Variants in SH2D4A observed in about 807,000 individuals in gnomAD.
The protein encoded by SH2D4A is SH2 domain-containing protein 4A.
Under a neutral mutation model 64.7 loss-of-function variants are expected in SH2D4A, and 70 were observed. That is an observed-to-expected ratio of 1.08 (90% CI 0.89 to 1.32). The LOEUF (loss-of-function observed/expected upper bound fraction) is 1.32. Among genes scored for constraint, SH2D4A ranks in the 40% most tolerant of loss-of-function variants. The pLI, the probability that SH2D4A is intolerant of heterozygous loss-of-function variation, is 0.00. For synonymous variants in SH2D4A, 268 were observed against 200.7 expected, an observed-to-expected ratio of 1.34 and a Z score of -2.83; for missense variants, 706 against 540.1, an observed-to-expected ratio of 1.31 and a Z score of -3.04.
intron 2 of SH2D4A, among the ~76,000 whole-genome samples, chr8:19,320,554 A>G (rs143793041): frequency 2.1e-4 from 31 of 146,762 alleles, no homozygotes; most frequent in East Asian, 1.9e-3. Context: ...AGCTCAGGAG[A>G]TCGAGGCCAC....
At chr8:19,322,150 A>G (rs539804182) in intron 2 of SH2D4A, among the ~76,000 whole-genome samples, 31 of 152,284 alleles carry the variant, frequency 2.0e-4, no homozygotes, top group African/African-American at 6.7e-4. Context: ...CTTCCCCTAA[A>G]ATCCCATCAC....
At chr8:19,344,799 A>G (rs2052586482) in intron 4 of SH2D4A, among the ~76,000 whole-genome samples, 1 of 152,178 alleles carries the variant, frequency 6.6e-6, no homozygotes, top group South Asian at 2.1e-4. Flanking sequence ...ATTTTTATAA[A>G]AGAAATACTG....
chr8:19,349,158 C>T (rs948347548), intron 4 of SH2D4A, among the ~76,000 whole-genome samples: 1 of 152,138 alleles, frequency 6.6e-6, no homozygotes, highest in African/African-American at 2.4e-5. Context: ...AGAAATAAAG[C>T]ATTGGACATA....
At chr8:19,393,794 A>T (rs1042845748) in intron 9 of SH2D4A, among the ~76,000 whole-genome samples, 4 of 152,178 alleles carry the variant, frequency 2.6e-5, no homozygotes, top group African/African-American at 9.7e-5. Flanking sequence ...TAAAACAAAA[A>T]AATAAAAGCT....
In SH2D4A at chr8:19,371,910, T is replaced by C. The variant is rs186971732; in HGVS notation, c.918-1620T>C. On this transcript the variant is annotated intron_variant, in intron 7 of 9. Transcript: ENST00000265807. Reference sequence around the variant, plus strand: ...AAATTACTTCAGTCTTTCTGCTACATTTCCCTGATAAATTTTTGAATTGAC... The same window carrying C: ...AAATTACTTCAGTCTTTCTGCTACACTTCCCTGATAAATTTTTGAATTGAC... Among the ~76,000 whole-genome samples the C allele has an allele frequency of 5.9e-4, 90 of 152,320 alleles. 1 individual carries two copies. In the East Asian group the frequency reaches 0.017, roughly 29 times the overall value.
At chr8:19,322,301 C>T (rs1040301793) in intron 2 of SH2D4A, among the ~76,000 whole-genome samples, 10 of 152,262 alleles carry the variant, frequency 6.6e-5, no homozygotes, top group Non-Finnish European at 1.2e-4. Context: ...ACAGGTCACT[C>T]GTGCATCTGA....
rs540927869 is a variant in SH2D4A, at chr8:19,357,286, A to T, written c.594+3A>T. The T allele has an allele frequency of 1.9e-6, 3 of 1,608,474 alleles. No individual in the cohort carries two copies. In the South Asian group the frequency reaches 3.3e-5, roughly 18 times the overall value. On this transcript the variant is annotated splice_donor_region_variant and intron_variant, in intron 5 of 9. Coordinates refer to ENST00000265807, the MANE Select transcript of SH2D4A (RefSeq NM_022071.4). ...TGAAGGCATATGCATTTCACCAGGT[A>T]AAAGACTTCCCTTCTGTCCTCCGGG...
At chr8:19,391,439 T>C (rs1350921088) in intron 8 of SH2D4A, among the ~76,000 whole-genome samples, 1 of 152,094 alleles carries the variant, frequency 6.6e-6, no homozygotes, top group Non-Finnish European at 1.5e-5. Flanking sequence ...ACATGATACA[T>C]GCAATGCATG....
chr8:19,348,137 C>T lies in SH2D4A; in HGVS notation c.514-9066C>T, dbSNP rs541758926. 1.4e-4 allele frequency among the ~76,000 whole-genome samples: 21 copies of T among 152,216 alleles called. No individual in the cohort carries two copies. In the East Asian group the frequency reaches 3.9e-3, roughly 28 times the overall value. On this transcript the variant is annotated intron_variant, in intron 4 of 9. Coordinates refer to ENST00000265807, the MANE Select transcript of SH2D4A (RefSeq NM_022071.4). The stretch of plus-strand genomic sequence containing the variant: ...TAGAAACAGGATCTTGCTGTGTCAC[C>T]CAGGCTGGAGTGCCACGGTGCAATA...
intron 8 of SH2D4A, among the ~76,000 whole-genome samples, chr8:19,376,790 A>G (rs937148018): frequency 4.6e-5 from 7 of 152,178 alleles, no homozygotes; most frequent in African/African-American, 4.8e-5. Context: ...TCTGCTTGCT[A>G]TAGACAACAT....
chr8:19,358,167 C>T (rs1385099930), intron 5 of SH2D4A, among the ~76,000 whole-genome samples: 2 of 152,144 alleles, frequency 1.3e-5, no homozygotes, highest in Admixed American at 6.5e-5. Context: ...CTGCTTAGAT[C>T]TCACTATGTC....
chr8:19,347,682 A>G (rs949434068), intron 4 of SH2D4A, among the ~76,000 whole-genome samples: 3 of 152,238 alleles, frequency 2.0e-5, no homozygotes, highest in African/African-American at 7.2e-5. Flanking sequence ...TTTTACAGAA[A>G]TGGCCTTCAG....
At chr8:19,392,111 G>A (rs1915422) in intron 8 of SH2D4A, among the ~76,000 whole-genome samples, 38,212 of 152,124 alleles carry the variant, frequency 0.25, 5,299 homozygotes, top group Middle Eastern at 0.34. Context: ...TGGAACATGA[G>A]TCAGACCTCA....
At chr8:19,349,179 A>G (rs1397124070) in intron 4 of SH2D4A, among the ~76,000 whole-genome samples, 3 of 152,190 alleles carry the variant, frequency 2.0e-5, no homozygotes, top group Admixed American at 2.0e-4. Context: ...CCAGGTAAAA[A>G]CAGATAAGTA....
intron 2 of SH2D4A, among the ~76,000 whole-genome samples, chr8:19,329,833 C>G (rs149383885): frequency 6.6e-6 from 1 of 152,302 alleles, no homozygotes; most frequent in African/African-American, 2.4e-5. Flanking sequence ...TGCCTTCTGC[C>G]ATGATTGTGA....
intron 8 of SH2D4A, among the ~76,000 whole-genome samples, chr8:19,383,802 G>A (rs1405306728): frequency 6.6e-6 from 1 of 151,936 alleles, no homozygotes; most frequent in Non-Finnish European, 1.5e-5. Context: ...AGTCTTTAAT[G>A]TCTGGCTGCC....
intron 2 of SH2D4A, among the ~76,000 whole-genome samples, chr8:19,330,350 A>G (rs2117200823): frequency 6.6e-6 from 1 of 152,306 alleles, no homozygotes; most frequent in Non-Finnish European, 1.5e-5. Flanking sequence ...AAAAGTCAGC[A>G]GAGAGACCAT....
intron 7 of SH2D4A, among the ~76,000 whole-genome samples, chr8:19,366,889 C>A (rs1274776437): frequency 6.6e-6 from 1 of 152,148 alleles, no homozygotes. Context: ...TTAACAATGT[C>A]CTCTAGTTCA....
chr8:19,389,490 A>C (rs891433942), intron 8 of SH2D4A, among the ~76,000 whole-genome samples: 2 of 151,974 alleles, frequency 1.3e-5, no homozygotes, highest in Admixed American at 1.3e-4. Flanking sequence ...GCTGCGACGG[A>C]CCCTTGTGCT....
Sources: allele counts gnomAD v4.1 joint callset (sites outside exome capture counted in the v4.1 genomes callset), GRCh38; gene constraint gnomAD v4.1.1; transcripts MANE v1.5; gene names NCBI Gene and HGNC (gene_info 2026-07-23, HGNC 2026-07-21).